The following GLRA2 variants were observed in gnomAD, a reference collection of about 807,000 sequenced individuals.
The protein encoded by GLRA2 is glycine receptor alpha 2.
Under a neutral mutation model 31.6 loss-of-function variants are expected in GLRA2, and 11 were observed. The observed-to-expected ratio is 0.35, with a 90% confidence interval of 0.22 to 0.58. GLRA2 has a LOEUF of 0.58. Ranked by LOEUF, GLRA2 falls within the 20% of genes least tolerant of loss-of-function variation. The pLI, the probability that GLRA2 is intolerant of heterozygous loss-of-function variation, is 0.84. For synonymous variants in GLRA2, 132 were observed against 134.0 expected (o/e 0.99, Z 0.10); for missense variants, 212 against 351.8 (o/e 0.60, Z 3.18).
At chrX:14,594,933 T>A (rs1264346423) in intron 4 of GLRA2, among the ~76,000 whole-genome samples, 1 of 60,671 alleles carries the variant, frequency 1.6e-5, no homozygotes, top group African/African-American at 7.8e-5. Context: ...CATCCCAAGG[T>A]CAACAGGAAA....
rs972286704 is a variant in GLRA2, at chrX:14,677,496, G to A, written c.931-13214G>A. Among the ~76,000 whole-genome samples the A allele has an allele frequency of 6.2e-5, 7 of 112,145 alleles. No individual in the cohort carries two copies. In the East Asian group the frequency reaches 1.7e-3, roughly 27 times the overall value. ...AATTCTAAAGATGGGCAAGACGACC[G>A]TGGGCTAGAATAGGCAAAGAAATTA... On this transcript the variant is annotated intron_variant, in intron 7 of 8. Transcript: ENST00000218075.
At chrX:14,502,833 A>G in the GLRA2 span, among the ~76,000 whole-genome samples, 1 of 105,917 alleles carries the variant, frequency 9.4e-6, no homozygotes, top group African/African-American at 3.5e-5. Context: ...GCACTCCAGC[A>G]CTACGCTACA....
chrX:14,669,932 C>G (rs1387222258), intron 7 of GLRA2, among the ~76,000 whole-genome samples: 2 of 112,633 alleles, frequency 1.8e-5, no homozygotes, highest in Non-Finnish European at 3.8e-5. Context: ...ATTTACTTTT[C>G]TATTGCATTG....
chrX:14,680,453 A>C (rs1312371159), intron 7 of GLRA2, among the ~76,000 whole-genome samples: 1 of 112,089 alleles, frequency 8.9e-6, no homozygotes, highest in African/African-American at 3.2e-5. Flanking sequence ...CTATCTTGCA[A>C]GTTTGTAGTA....
chrX:14,450,111 C>A, the GLRA2 span, among the ~76,000 whole-genome samples: 1 of 111,761 alleles, frequency 8.9e-6, no homozygotes, highest in African/African-American at 3.3e-5. Flanking sequence ...GTTGGGGGAG[C>A]GTGAGCTGTG....
chrX:14,469,523 G>A, the GLRA2 span, among the ~76,000 whole-genome samples: 1 of 107,526 alleles, frequency 9.3e-6, no homozygotes, highest in Non-Finnish European at 1.9e-5. Context: ...CCATAAAAAA[G>A]GATGAGTTCA....
the GLRA2 span, among the ~76,000 whole-genome samples, chrX:14,523,441 T>C: frequency 8.9e-6 from 1 of 112,165 alleles, no homozygotes; most frequent in African/African-American, 3.2e-5. Context: ...TTCCCAGAAG[T>C]AGCACTTTTA....
chrX:14,515,750 T>C, the GLRA2 span, among the ~76,000 whole-genome samples: 3 of 112,091 alleles, frequency 2.7e-5, no homozygotes, highest in Non-Finnish European at 3.8e-5. Context: ...TTTGTAATTG[T>C]TAGACATATT....
the GLRA2 span, among the ~76,000 whole-genome samples, chrX:14,453,794 T>C: frequency 8.9e-6 from 1 of 111,774 alleles, no homozygotes; most frequent in African/African-American, 3.3e-5. Flanking sequence ...AACACAGATG[T>C]CCTTCAATGG....
At chrX:14,703,990 A>G (rs1308295045) in intron 8 of GLRA2, among the ~76,000 whole-genome samples, 2 of 111,672 alleles carry the variant, frequency 1.8e-5, no homozygotes, top group Admixed American at 9.5e-5. Context: ...GAGAGAACAA[A>G]AACAAACTAA....
At chrX:14,581,462 C>A in intron 4 of GLRA2, 56 bp downstream of exon 4, 1 of 646,672 alleles carries the variant, frequency 1.5e-6, no homozygotes, top group Non-Finnish European at 2.6e-6. Flanking sequence ...TAATGTAGAG[C>A]TGCCTGATTC....
chrX:14,572,332 A>T (rs762666336), intron 2 of GLRA2, among the ~76,000 whole-genome samples: 64 of 111,981 alleles, frequency 5.7e-4, no homozygotes, highest in Non-Finnish European at 1.1e-3. Context: ...TTTTCCCATC[A>T]TTCATTTTTC....
At chrX:14,629,256 AGAAG>A (rs1272021366) in intron 7 of GLRA2, among the ~76,000 whole-genome samples, 1 of 111,435 alleles carries the variant, frequency 9.0e-6, no homozygotes, top group African/African-American at 3.3e-5. Context: ...TGAATAATAG[AGAAG>A]GAAGGCTGTG....
intron 7 of GLRA2, among the ~76,000 whole-genome samples, chrX:14,682,386 TAAAA>T (rs764801324): frequency 1.8e-5 from 2 of 111,283 alleles, no homozygotes; most frequent in African/African-American, 6.5e-5. Context: ...GTGGTGATCT[TAAAA>T]ATAATAATTA....
At chrX:14,636,979 A>T (rs750790117) in intron 7 of GLRA2, among the ~76,000 whole-genome samples, 1 of 111,626 alleles carries the variant, frequency 9.0e-6, no homozygotes, top group East Asian at 2.8e-4. Context: ...AATTTGTTCT[A>T]TTCTCTCTCT....
intron 2 of GLRA2, among the ~76,000 whole-genome samples, chrX:14,565,401 T>A (rs1376889520): frequency 8.9e-6 from 1 of 111,777 alleles, no homozygotes; most frequent in African/African-American, 3.2e-5. Flanking sequence ...TGGAGAGAGA[T>A]CTCTAAAGAT....
chrX:14,685,338 C>G (rs1329606358), intron 7 of GLRA2, among the ~76,000 whole-genome samples: 6 of 111,669 alleles, frequency 5.4e-5, no homozygotes, highest in Admixed American at 1.9e-4. Flanking sequence ...CATAAAATGA[C>G]TTAGGGAGGA....
At chrX:14,520,184 G>A in the GLRA2 span, among the ~76,000 whole-genome samples, 17 of 111,910 alleles carry the variant, frequency 1.5e-4, no homozygotes, top group Non-Finnish European at 3.0e-4. Context: ...TTTCAAATGT[G>A]AGAACTCCCC....
rs189370452 is a variant in GLRA2, at chrX:14,679,787, G to A, written c.931-10923G>A. On this transcript the variant is annotated intron_variant, in intron 7 of 8. Coordinates refer to ENST00000218075, the MANE Select transcript of GLRA2 (RefSeq NM_002063.4). ...TTTTTCCATCGATATTAACCTCCCC[G>A]TATTCTACCGACTTTTTGTCCTTCC... 1.4e-4 allele frequency among the ~76,000 whole-genome samples: 16 copies of A among 111,750 alleles called. No individual in the cohort carries two copies. The East Asian group carries it at 3.7e-3, about 26-fold the overall frequency.
Sources: gnomAD v4.1 joint callset for allele counts (sites outside exome capture counted in the v4.1 genomes callset) on GRCh38, gnomAD v4.1.1 for gene constraint, MANE v1.5 for transcripts, NCBI Gene and HGNC (gene_info 2026-07-23, HGNC 2026-07-21) for gene names.